MTCL1: variants seen among roughly 807,000 people sequenced by gnomAD.
The protein encoded by MTCL1 is microtubule crosslinking factor 1.
Under a neutral mutation model 141.4 loss-of-function variants are expected in MTCL1, and 79 were observed. The observed-to-expected ratio is 0.56, with a 90% CI of 0.47 to 0.67. The LOEUF (loss-of-function observed/expected upper bound fraction) is 0.67. MTCL1 is among the 30% of genes least tolerant of loss of function. The pLI is 0.00. For synonymous variants in MTCL1, 914 were observed against 875.8 expected (o/e 1.04, Z -0.77); for missense variants, 2,177 against 2,113.9 (o/e 1.03, Z -0.59).
chr18:8,809,019 G>GA (rs1401171555), intron 11 of MTCL1, among the ~76,000 whole-genome samples: 1 of 150,398 alleles, frequency 6.6e-6, no homozygotes, highest in African/African-American at 2.5e-5. Flanking sequence ...GAAAAGGAGA[G>GA]AAAGGAAGTT....
chr18:8,768,232 C>T (rs2149036619), intron 4 of MTCL1, among the ~76,000 whole-genome samples: 1 of 152,320 alleles, frequency 6.6e-6, no homozygotes, highest in South Asian at 2.1e-4. Context: ...TATTCATTTA[C>T]CCATCGTATT....
At chr18:8,829,112 C>A (rs2144548382) in intron 16 of MTCL1, 1 of 1,386,422 alleles carries the variant, frequency 7.2e-7, no homozygotes, top group Non-Finnish European at 9.7e-7. Context: ...CGCCTAAACC[C>A]AGGAACAGAT....
chr18:8,762,695 A>G (rs1268548019), intron 4 of MTCL1, among the ~76,000 whole-genome samples: 1 of 152,220 alleles, frequency 6.6e-6, no homozygotes, highest in Non-Finnish European at 1.5e-5. Context: ...GATCACACTG[A>G]TAGCTGAAAG....
Position 8,705,861 on chromosome 18 carries a change from C to T in MTCL1, c.201C>T (p.Gly67=). The T allele has an allele frequency of 8.7e-7, 1 of 1,150,474 alleles. No homozygotes were observed. The highest frequency in any genetic ancestry group is 3.5e-4 in the Middle Eastern group (1 of 2,868). 71.3% of individuals were successfully genotyped at this position (1,150,474 alleles called of 1,614,324 possible). ...CCGGCCCGGCCGTCCCCTCCTCGGG[C>T]CGAGCCCCGGCTCCCGCCGCCCCGC... The change falls in exon 1 of 14, where the codon GGC becomes GGT. Residue 67 remains glycine (G), a synonymous_variant. Transcript: ENST00000306329. The surrounding 1 kb of genome is among the most constrained non-coding windows in gnomAD (Gnocchi z 5.2).
At chr18:8,718,331 A>G (rs1217025743) in intron 2 of MTCL1, 93 bp from the exon 2 acceptor site, 13 of 1,241,390 alleles carry the variant, frequency 1.0e-5, no homozygotes, top group Admixed American at 9.8e-5. Flanking sequence ...TAGGTATTCA[A>G]TATTTAGTAT....
chr18:8,732,308 C>T (rs2096254843), intron 4 of MTCL1, among the ~76,000 whole-genome samples: 1 of 151,958 alleles, frequency 6.6e-6, no homozygotes, highest in Non-Finnish European at 1.5e-5. Context: ...GACTGGGTCT[C>T]ATCATGTTGC....
chr18:8,706,075 G>A, exon 1 of MTCL1: 5 of 1,199,686 alleles, frequency 4.2e-6, no homozygotes, highest in Non-Finnish European at 5.2e-6. Flanking sequence ...GGCGCCCGCG[G>A]AGCCGCTGTC....
chr18:8,825,908 C>A, exon 15 of MTCL1: 1 of 1,611,278 alleles, frequency 6.2e-7, no homozygotes, highest in Non-Finnish European at 8.5e-7. Context: ...GGCTGCGGGC[C>A]GGCAGTCGGT....
At chr18:8,751,677 A>C (rs1172226994) in intron 4 of MTCL1, among the ~76,000 whole-genome samples, 1 of 152,158 alleles carries the variant, frequency 6.6e-6, no homozygotes, top group Admixed American at 6.5e-5. Context: ...AGGACGGGGT[A>C]GGTGTGAGGC....
At chr18:8,774,599 T>C (rs2096497979) in intron 4 of MTCL1, among the ~76,000 whole-genome samples, 1 of 152,194 alleles carries the variant, frequency 6.6e-6, no homozygotes, top group South Asian at 2.1e-4. Context: ...GCAATTCTCC[T>C]GCCTTTGTCT....
At chr18:8,738,544 A>G (rs1475886096) in intron 4 of MTCL1, among the ~76,000 whole-genome samples, 1 of 152,240 alleles carries the variant, frequency 6.6e-6, no homozygotes, top group East Asian at 1.9e-4. Flanking sequence ...TTGGAGGTCC[A>G]GTTGACCTCA....
intron 16 of MTCL1, chr18:8,829,041 A>C: frequency 6.2e-7 from 1 of 1,611,044 alleles, no homozygotes; most frequent in Non-Finnish European, 8.5e-7. Context: ...CCTGACGCTC[A>C]TCACCTGAGG....
intron 4 of MTCL1, among the ~76,000 whole-genome samples, chr18:8,766,388 G>A (rs891414768): frequency 2.6e-5 from 4 of 152,166 alleles, no homozygotes; most frequent in African/African-American, 9.7e-5. Flanking sequence ...GCTGCTGCAG[G>A]GACACTGTGT....
intron 4 of MTCL1, among the ~76,000 whole-genome samples, chr18:8,774,834 G>C (rs1043999709): frequency 1.3e-5 from 2 of 152,118 alleles, no homozygotes; most frequent in East Asian, 3.9e-4. Context: ...TTTCATTCTA[G>C]TTGCCACTGT....
chr18:8,786,079 C>G (rs1283979666), exon 7 of MTCL1: 3 of 1,573,836 alleles, frequency 1.9e-6, no homozygotes, highest in African/African-American at 1.4e-5. Flanking sequence ...GCCAGACCTG[C>G]TTCAGCCTGG....
chr18:8,830,633 C>G lies in MTCL1; in HGVS notation c.*19-974C>G. 1.0e-6 allele frequency: 1 copy of G among 985,788 alleles called. No individual in the cohort carries two copies. Among genetic ancestry groups the G allele is most frequent in the Non-Finnish European group, 1.2e-6 (1 of 830,184 alleles). The allele number at this position is 985,788 out of a possible 1,614,324, so 61.1% of individuals were successfully genotyped here. A position where few individuals can be genotyped will look rare whatever the true frequency, so the allele number is the denominator to read the frequency against. On this transcript the variant is annotated intron_variant, in intron 16 of 16. Coordinates refer to ENST00000359865, the Ensembl canonical transcript of MTCL1. The surrounding 1 kb of genome is among the most constrained non-coding windows in gnomAD (Gnocchi z 6.4). ...CAACTCACTTCCTTTCTTTGAGGGT[C>G]CTTGTTCTCTGTCATCCTTCCTGTG...
At chr18:8,730,966 T>C (rs1033558725) in intron 4 of MTCL1, among the ~76,000 whole-genome samples, 24 of 152,288 alleles carry the variant, frequency 1.6e-4, no homozygotes, top group Admixed American at 7.2e-4. Flanking sequence ...AATAATTGGC[T>C]GGGTGCGGTG....
chr18:8,831,939 C>T, exon 17 of MTCL1: 1 of 1,019,054 alleles, frequency 9.8e-7, no homozygotes, highest in Non-Finnish European at 1.4e-6. Context: ...CACAAAGCTG[C>T]TGAATGTTCA....
In MTCL1 at chr18:8,824,910, G is replaced by A. The variant is rs761092086; in HGVS notation, c.3400G>A (p.Asp1134Asn). 24 of 1,613,696 alleles carry A rather than the reference G, an allele frequency of 1.5e-5. No homozygotes were observed. The highest frequency in any genetic ancestry group is 1.0e-4 in the Admixed American group (6 of 60,008). The change falls in exon 15 of 17, where the codon GAC becomes AAC. Residue 1134 changes from aspartate to asparagine, a missense_variant. Transcript: ENST00000359865. ...TGGTGGGGGGCCGGACCTTTGGGCCGACAGGACCGAGGTGGGGCGGGCAGG... is the reference window on the plus strand; with the variant it reads ...TGGTGGGGGGCCGGACCTTTGGGCCAACAGGACCGAGGTGGGGCGGGCAGG...
Sources: allele counts gnomAD v4.1 joint callset (sites outside exome capture counted in the v4.1 genomes callset), GRCh38; gene constraint gnomAD v4.1.1; non-coding constraint Gnocchi (gnomAD v3.1); transcripts MANE v1.5; gene names NCBI Gene and HGNC (gene_info 2026-07-23, HGNC 2026-07-21).